Variants in PKHD1 observed in about 807,000 individuals in gnomAD.
PKHD1 encodes the protein fibrocystin.
A neutral mutation model predicts 412.0 loss-of-function variants in PKHD1; 291 were observed. The observed-to-expected ratio is 0.71, with a 90% CI of 0.64 to 0.78. The LOEUF (loss-of-function observed/expected upper bound fraction) is 0.78, where lower values mean the gene tolerates loss of function less well. PKHD1 is among the 30% of genes least tolerant of loss of function. The pLI, the probability that PKHD1 is intolerant of heterozygous loss-of-function variation, is 0.00. For missense variants in PKHD1, 4,825 were observed against 4,950.7 expected (o/e 0.97, Z 0.76); for synonymous variants, 1,777 against 1,821.5 (o/e 0.98, Z 0.62).
intron 51 of PKHD1, among the ~76,000 whole-genome samples, chr6:51,831,631 TTCCTCAA>T (rs1768276409): frequency 6.6e-6 from 1 of 152,134 alleles, no homozygotes; most frequent in Admixed American, 6.6e-5. Flanking sequence ...TTCAAATACA[TTCCTCAA>T]TGGAATGACT....
intron 55 of PKHD1, among the ~76,000 whole-genome samples, chr6:51,762,661 A>ATTTTT (rs202091214): frequency 1.3e-5 from 1 of 75,622 alleles, no homozygotes; most frequent in East Asian, 1.7e-3. Context: ...ATATATATAT[A>ATTTTT]TATATTTTCA....
chr6:51,654,815 G>T (rs1771548932), intron 61 of PKHD1, among the ~76,000 whole-genome samples: 1 of 152,042 alleles, frequency 6.6e-6, no homozygotes, highest in South Asian at 2.1e-4. Context: ...GTAAATGACA[G>T]ATTTAATGAT....
chr6:51,676,164 T>C (rs1291753200), intron 60 of PKHD1, among the ~76,000 whole-genome samples: 1 of 148,528 alleles, frequency 6.7e-6, no homozygotes, highest in Admixed American at 6.8e-5. Context: ...TGTCGTGAAA[T>C]GAGGATTTTC....
At chr6:51,853,062 C>T (rs1157198987) in intron 49 of PKHD1, among the ~76,000 whole-genome samples, 1 of 151,978 alleles carries the variant, frequency 6.6e-6, no homozygotes, top group Non-Finnish European at 1.5e-5. Flanking sequence ...TTTTCCTTTC[C>T]ATATTTAGTG....
intron 55 of PKHD1, among the ~76,000 whole-genome samples, chr6:51,771,831 A>AT (rs1250961494): frequency 6.6e-6 from 1 of 151,986 alleles, no homozygotes; most frequent in African/African-American, 2.4e-5. Context: ...TGGTCACAAT[A>AT]TTTTTTTCCT....
At chr6:52,045,979 C>T in intron 24 of PKHD1, 25 bp downstream of exon 24, 1 of 1,543,516 alleles carries the variant, frequency 6.5e-7, no homozygotes, top group Non-Finnish European at 9.0e-7. Flanking sequence ...CAAATCCATG[C>T]CACTAGAAGG....
chr6:51,900,623 T>C (rs956639867), intron 43 of PKHD1, among the ~76,000 whole-genome samples: 3 of 152,192 alleles, frequency 2.0e-5, no homozygotes, highest in South Asian at 2.1e-4. Context: ...AAGGACTTCA[T>C]GTCTAAAACA....
chr6:51,884,922 C>G (rs528495427), intron 45 of PKHD1, among the ~76,000 whole-genome samples: 3 of 152,280 alleles, frequency 2.0e-5, no homozygotes, highest in African/African-American at 7.2e-5. Flanking sequence ...GAACAAAATA[C>G]TAAATACATT....
chr6:51,861,565 C>A (rs1023593920), intron 48 of PKHD1, among the ~76,000 whole-genome samples: 6 of 152,198 alleles, frequency 3.9e-5, no homozygotes, highest in African/African-American at 1.4e-4. Flanking sequence ...GAAGAAAAAT[C>A]AAAACTGTGG....
chr6:51,894,498 T>A (rs79438884), intron 43 of PKHD1, among the ~76,000 whole-genome samples: 6 of 152,354 alleles, frequency 3.9e-5, no homozygotes, highest in Non-Finnish European at 7.3e-5. Context: ...CCAGGTTGAA[T>A]GTAAGTGAAC....
chr6:51,808,510 TCTCACA>T (rs1764190601), intron 52 of PKHD1, among the ~76,000 whole-genome samples: 1 of 101,584 alleles, frequency 9.8e-6, no homozygotes. Context: ...AAAAAGAATC[TCTCACA>T]CACACACACA....
In PKHD1 at chr6:51,753,292, C is replaced by G; in HGVS notation, c.8859G>C (p.Leu2953Phe). Residue 2953 changes from leucine to phenylalanine, a missense_variant, in exon 57 of 67, where the codon TTG becomes TTC. By Grantham distance (22) the Leu-to-Phe change is conservative. Coordinates refer to ENST00000371117, the MANE Select transcript of PKHD1 (RefSeq NM_138694.4). ...HIRLAAEVGL[L>F]TRNIQIQPDV... is the part of the protein sequence containing the mutation. ...CAGGCTGAATTTGTATATTTCGGGTCAACAGTCCAACCTCAGCAGCCAAAC... is the reference window on the plus strand; with the variant it reads ...CAGGCTGAATTTGTATATTTCGGGTGAACAGTCCAACCTCAGCAGCCAAAC... 2 of 1,613,680 alleles carry G rather than the reference C, an allele frequency of 1.2e-6. No homozygotes were observed. The highest frequency in any genetic ancestry group is 2.2e-5 in the East Asian group (1 of 44,862).
At chr6:51,844,817 C>T (rs1770865905) in intron 50 of PKHD1, among the ~76,000 whole-genome samples, 1 of 152,046 alleles carries the variant, frequency 6.6e-6, no homozygotes, top group Non-Finnish European at 1.5e-5. Context: ...AGAAAAGGAG[C>T]CACACCCCCA....
chr6:51,725,161 C>T (rs1582297550), intron 60 of PKHD1, among the ~76,000 whole-genome samples: 1 of 152,188 alleles, frequency 6.6e-6, no homozygotes, highest in South Asian at 2.1e-4. Flanking sequence ...TGTGTCCCTG[C>T]AGTGGGAAGG....
chr6:51,790,156 C>T (rs559808357), intron 53 of PKHD1, among the ~76,000 whole-genome samples: 1 of 152,246 alleles, frequency 6.6e-6, no homozygotes, highest in African/African-American at 2.4e-5. Flanking sequence ...TTCCTTACCA[C>T]CAGAGATATA....
chr6:51,685,926 T>C (rs1239258461), intron 60 of PKHD1, among the ~76,000 whole-genome samples: 1 of 152,160 alleles, frequency 6.6e-6, no homozygotes, highest in Non-Finnish European at 1.5e-5. Context: ...GCAGACACTT[T>C]GCTCAACAGC....
In PKHD1 at chr6:51,996,256, G is replaced by A. The variant is rs1225971761; in HGVS notation, c.5751+14053C>T. On this transcript the variant is annotated intron_variant, in intron 35 of 66. Transcript: ENST00000371117. ...GATCTCCTGACCTCATGATCCTCCC[G>A]CCTCAGCCTCCCAAAGTGCTGGGAT... Among the ~76,000 whole-genome samples the A allele has an allele frequency of 2.2e-5, 3 of 136,692 alleles. No individual in the cohort carries two copies. The South Asian group carries it at 7.6e-4, about 35-fold the overall frequency. The allele number at this position is 136,692 out of a possible 152,430, so 89.7% of individuals were successfully genotyped here.
chr6:52,055,713 G>C lies in PKHD1; in HGVS notation c.1710C>G (p.Asn570Lys), dbSNP rs200592905. ...TCCCACTGGTGAGGTCCCCATCAGA[G>C]TTGGAAACTTCTGGGCCTGGATGCA... ...LGFERGPEVS[N>K]SDGDLTSGTE... is the part of the protein sequence containing the mutation. The change falls in exon 19 of 67, where the codon AAC (asparagine) becomes AAG (lysine). Residue 570 changes from asparagine (N) to lysine (K), a missense_variant. Transcript: ENST00000371117. 1.2e-6 allele frequency: 2 copies of C among 1,613,782 alleles called. No individual in the cohort carries two copies. Among genetic ancestry groups the C allele is most frequent in the African/African-American group, 1.3e-5 (1 of 74,920 alleles).
intron 15 of PKHD1, among the ~76,000 whole-genome samples, chr6:52,058,986 T>C (rs1343792105): frequency 1.3e-5 from 2 of 152,134 alleles, no homozygotes; most frequent in South Asian, 2.1e-4. Flanking sequence ...AACTAGCAAA[T>C]CAATTTCAGA....
Sources: allele counts gnomAD v4.1 joint callset (sites outside exome capture counted in the v4.1 genomes callset), GRCh38; gene constraint gnomAD v4.1.1; transcripts MANE v1.5; gene names NCBI Gene and HGNC (gene_info 2026-07-23, HGNC 2026-07-21).